The following THADA variants were observed in gnomAD, a reference collection of about 807,000 sequenced individuals.
THADA encodes the protein THADA armadillo repeat containing.
Under a neutral mutation model 219.8 loss-of-function variants are expected in THADA, and 213 were observed. The ratio of observed to expected loss-of-function variants is 0.97; its 90% CI spans 0.87 to 1.09. The LOEUF (loss-of-function observed/expected upper bound fraction) is 1.09. Ranked by LOEUF, THADA falls within the 50% of genes least tolerant of loss-of-function variation. The probability of loss-of-function intolerance (pLI) is 0.00; values close to 1 mark genes in which losing one functional copy is unlikely to be tolerated. For missense variants in THADA, 2,956 were observed against 2,311.3 expected, an observed-to-expected ratio of 1.28 and a Z score of -5.72; for synonymous variants, 1,018 against 828.9, an observed-to-expected ratio of 1.23 and a Z score of -3.92.
chr2:43,576,145 G>C (rs966385835), intron 10 of THADA, among the ~76,000 whole-genome samples: 97 of 152,104 alleles, frequency 6.4e-4, no homozygotes, highest in African/African-American at 2.2e-3. Flanking sequence ...AGAAATGCTG[G>C]TGGTTGTACA....
rs2103909403 is a variant in THADA at position 43,556,476 on chromosome 2, G to A, written c.2543C>T (p.Ala848Val). The change falls in exon 17 of 38, where the codon GCT (alanine) becomes GTT (valine). Residue 848 changes from alanine (A) to valine (V), a missense_variant. Physicochemically the swap from Ala to Val is moderately conservative, Grantham distance 64. Coordinates refer to ENST00000405975, the MANE Select transcript of THADA (RefSeq NM_022065.5). ...GATTAAGAAGTTCAGCAGGTAGGAA[G>A]CTGTCACACAGTCGTATGGTTTGGT... ...TSTKPYDCVT[A>V]SYLLNFLIWQ... The A allele has an allele frequency of 1.9e-6, 3 of 1,613,936 alleles. No individual in the cohort carries two copies. Among genetic ancestry groups the A allele is most frequent in the East Asian group, 2.2e-5 (1 of 44,882 alleles).
intron 22 of THADA, among the ~76,000 whole-genome samples, chr2:43,511,068 T>G (rs1053689752): frequency 4.6e-5 from 7 of 152,066 alleles, no homozygotes; most frequent in Admixed American, 3.3e-4. Context: ...TAGAGGTGAA[T>G]AAGGTAAAGA....
At chr2:43,566,185 CCA>C in intron 15 of THADA, 1 of 382,986 alleles carries the variant, frequency 2.6e-6, no homozygotes, top group Non-Finnish European at 4.7e-6. Flanking sequence ...CTCTTGAGAA[CCA>C]CACAGAAGGA....
intron 36 of THADA, among the ~76,000 whole-genome samples, chr2:43,275,946 G>A (rs886788483): frequency 2.0e-5 from 3 of 152,158 alleles, no homozygotes; most frequent in Admixed American, 6.5e-5. Context: ...TGCCCGATGT[G>A]GTATATAAAA....
At chr2:43,272,278 C>T (rs901803511) in intron 36 of THADA, among the ~76,000 whole-genome samples, 1 of 152,130 alleles carries the variant, frequency 6.6e-6, no homozygotes, top group Non-Finnish European at 1.5e-5. Flanking sequence ...GGGTTTTACC[C>T]AGATTAAGAT....
At chr2:43,495,623 C>T (rs1032092813) in intron 25 of THADA, among the ~76,000 whole-genome samples, 4 of 147,272 alleles carry the variant, frequency 2.7e-5, no homozygotes, top group African/African-American at 7.5e-5. Flanking sequence ...ATAGTCTTTT[C>T]AAAAAAAAAA....
intron 20 of THADA, among the ~76,000 whole-genome samples, chr2:43,543,678 G>C (rs1303332497): frequency 6.6e-6 from 1 of 152,178 alleles, no homozygotes; most frequent in Non-Finnish European, 1.5e-5. Flanking sequence ...GTCTTCTTTT[G>C]AGAAGTTCTG....
chr2:43,560,155 A>G, intron 16 of THADA, 79 bp downstream of exon 16: 3 of 1,276,470 alleles, frequency 2.4e-6, no homozygotes, highest in Non-Finnish European at 3.2e-6. Context: ...AAAGCACATG[A>G]ATAATCCTCA....
At chr2:43,245,804 T>C (rs970869569) in intron 36 of THADA, among the ~76,000 whole-genome samples, 34 of 152,302 alleles carry the variant, frequency 2.2e-4, no homozygotes, top group African/African-American at 7.9e-4. Context: ...GGGTGGGTGG[T>C]GCAGATGGTC....
chr2:43,310,969 G>A (rs1296333496), intron 31 of THADA, among the ~76,000 whole-genome samples: 2 of 152,274 alleles, frequency 1.3e-5, no homozygotes, highest in East Asian at 1.9e-4. Flanking sequence ...CTGAGGTAGC[G>A]AGTTCGACAC....
At chr2:43,480,824 GA>G (rs1255582214) in intron 26 of THADA, among the ~76,000 whole-genome samples, 5,145 of 129,212 alleles carry the variant, frequency 0.04, 96 homozygotes, top group South Asian at 0.051. Context: ...TCTTGGGGGG[GA>G]AAAAAAAAAA....
intron 26 of THADA, among the ~76,000 whole-genome samples, chr2:43,452,120 G>T (rs1348992280): frequency 1.3e-5 from 2 of 151,878 alleles, no homozygotes; most frequent in South Asian, 4.1e-4. Flanking sequence ...AAGAAAGAAA[G>T]AAAAAAGAAA....
chr2:43,298,198 C>G (rs1666571296), intron 31 of THADA, among the ~76,000 whole-genome samples: 1 of 77,346 alleles, frequency 1.3e-5, no homozygotes, highest in South Asian at 5.4e-4. Context: ...GGATGGTTGC[C>G]GTGTCTGTGT....
At chr2:43,543,767 A>G (rs1695636655) in intron 20 of THADA, among the ~76,000 whole-genome samples, 1 of 152,108 alleles carries the variant, frequency 6.6e-6, no homozygotes. Flanking sequence ...GATTCTGCAT[A>G]TTAGCCCTTT....
intron 29 of THADA, among the ~76,000 whole-genome samples, chr2:43,391,083 A>C (rs1673321404): frequency 6.6e-6 from 1 of 152,220 alleles, no homozygotes; most frequent in African/African-American, 2.4e-5. Flanking sequence ...TTTTCTCACC[A>C]GTAGGATGGG....
In THADA at chr2:43,591,949, T is replaced by C. The variant is rs1019294340; in HGVS notation, c.171+3A>G. The C allele has an allele frequency of 2.6e-6, 4 of 1,515,982 alleles. No homozygotes were observed. In the Admixed American group the frequency reaches 6.6e-5, roughly 25 times the overall value. 93.9% of individuals were successfully genotyped at this position (1,515,982 alleles called of 1,614,324 possible). ...GCATCCATGAATATCAATTCAGACT[T>C]ACCTGTTTAATATAATGGATTTGTG... On this transcript the variant is annotated splice_donor_region_variant and intron_variant, in intron 3 of 37. Coordinates refer to ENST00000405975, the MANE Select transcript of THADA (RefSeq NM_022065.5).
intron 25 of THADA, among the ~76,000 whole-genome samples, chr2:43,488,622 G>C (rs763665268): frequency 2.6e-5 from 4 of 152,230 alleles, no homozygotes; most frequent in African/African-American, 9.6e-5. Flanking sequence ...GGAATATTAT[G>C]AATAATTTTG....
intron 26 of THADA, chr2:43,430,782 C>A (rs1290969279): frequency 1.6e-5 from 5 of 306,602 alleles, no homozygotes; most frequent in Non-Finnish European, 2.8e-5. Flanking sequence ...TAGCAGCCTC[C>A]GTGGCTTCTA....
intron 26 of THADA, chr2:43,463,257 T>C (rs1558800625): frequency 6.6e-6 from 1 of 152,234 alleles, no homozygotes; most frequent in Non-Finnish European, 1.5e-5. Context: ...CATACCTGAT[T>C]ACACAAAGGT....
Sources: gnomAD v4.1 joint callset for allele counts (sites outside exome capture counted in the v4.1 genomes callset) on GRCh38, gnomAD v4.1.1 for gene constraint, MANE v1.5 for transcripts, NCBI Gene and HGNC (gene_info 2026-07-23, HGNC 2026-07-21) for gene names.